Variants in NUP62CL observed in about 807,000 individuals in gnomAD.
The protein encoded by NUP62CL is nucleoporin 62 C-terminal like.
A neutral mutation model predicts 15.3 loss-of-function variants in NUP62CL; 13 were observed. The ratio of observed to expected loss-of-function variants is 0.85; its 90% CI spans 0.55 to 1.35. The LOEUF is 1.35. NUP62CL is among the 40% of genes most tolerant of loss of function. The pLI is 0.00. For synonymous variants in NUP62CL, 54 were observed against 49.2 expected (o/e 1.10, Z -0.41); for missense variants, 123 against 130.6 (o/e 0.94, Z 0.28).
intron 4 of NUP62CL, among the ~76,000 whole-genome samples, chrX:107,155,508 G>A (rs1926155477): frequency 9.0e-6 from 1 of 111,695 alleles, no homozygotes; most frequent in South Asian, 3.8e-4. Flanking sequence ...CCTTTCATGA[G>A]GGATGAGTCA....
In NUP62CL at chrX:107,175,210, CA is replaced by C. The variant is rs1926755697; in HGVS notation, c.-47-18del. 2 of 796,679 alleles carry C rather than the reference CA, an allele frequency of 2.5e-6. No individual in the cohort carries two copies. Among genetic ancestry groups the C allele is most frequent in the African/African-American group, 4.2e-5 (2 of 47,717 alleles). 65.7% of individuals were successfully genotyped at this position (796,679 alleles called of 1,213,427 possible). A position where few individuals can be genotyped will look rare whatever the true frequency, so the allele number is the denominator to read the frequency against. ...GAGCCAAACCTAAAAATCAAAGTAACAAACAGAAAAATATGTCACTAAAAAT... is the reference window on the plus strand; with the variant it reads ...GAGCCAAACCTAAAAATCAAAGTAACAACAGAAAAATATGTCACTAAAAAT... On this transcript the variant is annotated intron_variant, in intron 2 of 8. Transcript: ENST00000372466.
intron 3 of NUP62CL, among the ~76,000 whole-genome samples, chrX:107,174,030 TC>T (rs1198589428): frequency 9.6e-6 from 1 of 103,789 alleles, no homozygotes; most frequent in African/African-American, 3.6e-5. Context: ...TTCTTTTTTT[TC>T]TTTCTTTCTC....
At chrX:107,171,589 C>T (rs1218212074) in intron 3 of NUP62CL, among the ~76,000 whole-genome samples, 1 of 111,608 alleles carries the variant, frequency 9.0e-6, no homozygotes, top group Admixed American at 9.5e-5. Context: ...GACTTATTCA[C>T]TATCACAAGA....
intron 5 of NUP62CL, 82 bp downstream of exon 5, chrX:107,154,014 C>T (rs1157606592): frequency 1.1e-6 from 1 of 935,482 alleles, no homozygotes; most frequent in African/African-American, 2.0e-5. Context: ...ACAAAGAAAA[C>T]CACAAAACAC....
chrX:107,200,620 A>G (rs1382124399), intron 1 of NUP62CL, among the ~76,000 whole-genome samples: 3 of 104,065 alleles, frequency 2.9e-5, no homozygotes, highest in Admixed American at 1.0e-4. Flanking sequence ...TTCCGTCTCA[A>G]AAAAAAAAAA....
intron 8 of NUP62CL, among the ~76,000 whole-genome samples, chrX:107,137,289 T>G (rs1455532243): frequency 2.7e-5 from 3 of 111,394 alleles, no homozygotes; most frequent in African/African-American, 9.8e-5. Context: ...ACATCATACT[T>G]AAGGTGAAAG....
intron 7 of NUP62CL, among the ~76,000 whole-genome samples, chrX:107,149,566 G>A (rs1263645093): frequency 8.9e-6 from 1 of 111,990 alleles, no homozygotes; most frequent in Non-Finnish European, 1.9e-5. Flanking sequence ...AAGACCCAGA[G>A]AGATTAAATG....
chrX:107,125,654 C>T (rs946780846), intron 8 of NUP62CL, among the ~76,000 whole-genome samples: 3 of 111,255 alleles, frequency 2.7e-5, no homozygotes, highest in African/African-American at 9.8e-5. Context: ...TAACTAACTG[C>T]GGGGTGCAAT....
intron 2 of NUP62CL, among the ~76,000 whole-genome samples, chrX:107,179,938 T>G (rs1236950311): frequency 9.5e-6 from 1 of 105,065 alleles, no homozygotes; most frequent in Non-Finnish European, 1.9e-5. Context: ...AGTTTTTATT[T>G]TATTTTTATG....
intron 2 of NUP62CL, among the ~76,000 whole-genome samples, chrX:107,183,744 C>T (rs1050415042): frequency 1.8e-5 from 2 of 111,173 alleles, no homozygotes; most frequent in African/African-American, 6.5e-5. Flanking sequence ...AATAACCACT[C>T]CAACTATAAC....
At chrX:107,202,840 GA>G (rs1234873584) in intron 1 of NUP62CL, among the ~76,000 whole-genome samples, 2,902 of 93,475 alleles carry the variant, frequency 0.031, 116 homozygotes, top group African/African-American at 0.1. Context: ...TACCAAAAAA[GA>G]AAAAAAAAAA....
chrX:107,158,445 C>T (rs1185274698), intron 4 of NUP62CL, among the ~76,000 whole-genome samples: 1 of 82,217 alleles, frequency 1.2e-5, no homozygotes, highest in Non-Finnish European at 2.1e-5. Context: ...GACCACAGCG[C>T]AATCAAACTA....
chrX:107,150,699 A>G (rs751580312), intron 7 of NUP62CL, among the ~76,000 whole-genome samples: 1 of 112,074 alleles, frequency 8.9e-6, no homozygotes. Flanking sequence ...GGGTCTCACT[A>G]TGTTGCCCAG....
chrX:107,193,998 A>C (rs185732762), intron 1 of NUP62CL, among the ~76,000 whole-genome samples: 11 of 111,210 alleles, frequency 9.9e-5, no homozygotes, highest in Non-Finnish European at 1.5e-4. Flanking sequence ...AGAGAAAAAA[A>C]TTAGCAAATT....
chrX:107,166,234 T>C (rs1399480587), intron 4 of NUP62CL, among the ~76,000 whole-genome samples: 1 of 111,156 alleles, frequency 9.0e-6, no homozygotes, highest in African/African-American at 3.3e-5. Context: ...ATAATCCAAG[T>C]AGAAAATGGA....
At chrX:107,186,339 T>C (rs1373304715) in intron 2 of NUP62CL, among the ~76,000 whole-genome samples, 2 of 112,031 alleles carry the variant, frequency 1.8e-5, no homozygotes, top group East Asian at 5.6e-4. Flanking sequence ...TACATATAAA[T>C]AATAAAACAG....
chrX:107,181,977 T>C (rs1173610194), intron 2 of NUP62CL, among the ~76,000 whole-genome samples: 2 of 112,050 alleles, frequency 1.8e-5, no homozygotes, highest in Non-Finnish European at 3.8e-5. Context: ...CTGAAACCTC[T>C]TTACTATCTC....
At position 107,177,656 on chromosome X, in the gene NUP62CL, T is replaced by C. The variant is rs1025656023; in HGVS notation, c.-47-2463A>G. On this transcript the variant is annotated intron_variant, in intron 2 of 8. Coordinates refer to ENST00000372466, the MANE Select transcript of NUP62CL (RefSeq NM_017681.3). The stretch of plus-strand genomic sequence containing the variant: ...CTCACTATCCTCAGTCATTAGGGAA[T>C]TGCAAATCAAAGCCACAATGAGATA... Among the ~76,000 whole-genome samples the C allele has an allele frequency of 3.6e-5, 4 of 111,228 alleles. No homozygotes were observed. The South Asian group carries it at 1.1e-3, about 32-fold the overall frequency.
At chrX:107,177,728 G>C (rs1926819039) in intron 2 of NUP62CL, among the ~76,000 whole-genome samples, 1 of 111,526 alleles carries the variant, frequency 9.0e-6, no homozygotes, top group Non-Finnish European at 1.9e-5. Flanking sequence ...GATAGATCAA[G>C]TGTTGATGAG....
Sources: gnomAD v4.1 joint callset for allele counts (sites outside exome capture counted in the v4.1 genomes callset) on GRCh38, gnomAD v4.1.1 for gene constraint, MANE v1.5 for transcripts, NCBI Gene and HGNC (gene_info 2026-07-23, HGNC 2026-07-21) for gene names.